TRPM8: variants seen among roughly 807,000 people sequenced by gnomAD.
TRPM8 encodes transient receptor potential cation channel subfamily M member 8, also known as TRPM8 cationic channel.
A neutral mutation model predicts 133.7 loss-of-function variants in TRPM8; 110 were observed. The observed-to-expected ratio is 0.82, with a 90% CI of 0.70 to 0.96. The LOEUF is 0.96. Ranked by LOEUF, TRPM8 falls within the 40% of genes least tolerant of loss-of-function variation. TRPM8 has a pLI of 0.00. For synonymous variants in TRPM8, 535 were observed against 532.3 expected, an observed-to-expected ratio of 1.01 and a Z score of -0.07; for missense variants, 1,291 against 1,379.5, an observed-to-expected ratio of 0.94 and a Z score of 1.02.
chr2:233,966,339 G>C (rs1691574396), intron 14 of TRPM8, among the ~76,000 whole-genome samples: 2 of 152,174 alleles, frequency 1.3e-5, no homozygotes, highest in African/African-American at 2.4e-5. Context: ...CCATCAAAGA[G>C]AGGGGCTCCC....
At position 234,019,432 on chromosome 2, in the gene TRPM8, T is replaced by C. The variant is rs201076168; in HGVS notation, c.*2176T>C. The C allele has an allele frequency of 6.6e-6, 1 of 152,258 alleles. No homozygotes were observed. Among genetic ancestry groups the C allele is most frequent in the Non-Finnish European group, 1.5e-5 (1 of 68,050 alleles). The allele number at this position is 152,258 out of a possible 1,614,324, so 9.4% of individuals were successfully genotyped here. ...GGTGCTATGTCCTTGTGTATGGTAC[T>C]AAATGTGTCCTGTGTACTTTTGCAC... On this transcript the variant is annotated 3_prime_UTR_variant, in exon 26 of 26. Transcript: ENST00000324695.
chr2:233,925,842 G>A (rs912258510), intron 1 of TRPM8, among the ~76,000 whole-genome samples: 9 of 152,088 alleles, frequency 5.9e-5, no homozygotes, highest in Non-Finnish European at 1.5e-5. Flanking sequence ...TTTGGGAGAC[G>A]AGGGGAGAGG....
chr2:233,939,306 C>T, intron 5 of TRPM8, 131 bp downstream of exon 5: 1 of 1,014,206 alleles, frequency 9.9e-7, no homozygotes, highest in Non-Finnish European at 1.4e-6. Flanking sequence ...TAATCGTTAT[C>T]TTATTGAAAG....
intron 9 of TRPM8, among the ~76,000 whole-genome samples, chr2:233,951,045 C>T (rs1691161949): frequency 6.6e-6 from 1 of 151,740 alleles, no homozygotes; most frequent in African/African-American, 2.4e-5. Flanking sequence ...TACAAACAAA[C>T]AAACAAACAA....
intron 21 of TRPM8, among the ~76,000 whole-genome samples, chr2:233,996,111 A>C (rs1445393781): frequency 6.7e-6 from 1 of 150,352 alleles, no homozygotes; most frequent in Admixed American, 6.6e-5. Flanking sequence ...AAAAAAAACC[A>C]CCAAAAGCCA....
chr2:234,006,369 C>T (rs1299981943), intron 22 of TRPM8, among the ~76,000 whole-genome samples: 21 of 152,218 alleles, frequency 1.4e-4, no homozygotes, highest in Admixed American at 1.4e-3. Context: ...AGGTCCACAG[C>T]TCATGTTTCA....
intron 11 of TRPM8, 124 bp from the exon 12 acceptor site, chr2:233,960,652 G>C (rs1691409276): frequency 2.7e-6 from 2 of 730,272 alleles, no homozygotes; most frequent in Non-Finnish European, 4.6e-6. Flanking sequence ...GATTGAAAGA[G>C]AAGTTGAAGA....
At chr2:233,945,212 TTGAA>T (rs1268579884) in intron 6 of TRPM8, among the ~76,000 whole-genome samples, 1 of 152,206 alleles carries the variant, frequency 6.6e-6, no homozygotes, top group East Asian at 1.9e-4. Flanking sequence ...CTAAATGCCT[TTGAA>T]TGGAGCTTGA....
chr2:233,924,269 G>A (rs897858666), intron 1 of TRPM8, among the ~76,000 whole-genome samples: 1 of 152,174 alleles, frequency 6.6e-6, no homozygotes, highest in African/African-American at 2.4e-5. Context: ...GGATCTGGCG[G>A]TGTGATTTTG....
intron 11 of TRPM8, among the ~76,000 whole-genome samples, chr2:233,955,905 T>C (rs921672298): frequency 6.6e-6 from 1 of 152,140 alleles, no homozygotes. Flanking sequence ...CGGTATTCGA[T>C]TCCTATAGGA....
intron 3 of TRPM8, among the ~76,000 whole-genome samples, chr2:233,931,371 C>T (rs1016506344): frequency 2.6e-5 from 4 of 152,128 alleles, no homozygotes; most frequent in African/African-American, 9.7e-5. Context: ...CCTTATTCCT[C>T]TCTGCCCCTT....
In TRPM8 at chr2:233,967,136, G is replaced by A. The variant is rs549702307; in HGVS notation, c.2025+381G>A. 2.0e-5 allele frequency among the ~76,000 whole-genome samples: 3 copies of A among 152,342 alleles called. No homozygotes were observed. The South Asian group carries it at 6.2e-4, about 32-fold the overall frequency. ...CCTCATCTACAAAATGGGGATAGCA[G>A]CAGATAAAGGGTTATTGTGAAGATT... On this transcript the variant is annotated intron_variant, in intron 15 of 25. Transcript: ENST00000324695.
At chr2:233,979,825 T>C (rs1476642323) in intron 17 of TRPM8, among the ~76,000 whole-genome samples, 1 of 152,230 alleles carries the variant, frequency 6.6e-6, no homozygotes, top group African/African-American at 2.4e-5. Context: ...TAATACCCTC[T>C]AGGACTGTGT....
intron 1 of TRPM8, among the ~76,000 whole-genome samples, chr2:233,917,908 G>T (rs949122178): frequency 1.3e-5 from 2 of 152,192 alleles, no homozygotes; most frequent in Non-Finnish European, 2.9e-5. Context: ...CTTTGATAAT[G>T]AAAGGAGCGG....
chr2:234,006,469 A>C (rs916727006), intron 22 of TRPM8, among the ~76,000 whole-genome samples: 1 of 152,220 alleles, frequency 6.6e-6, no homozygotes, highest in Non-Finnish European at 1.5e-5. Context: ...ACAATTCATC[A>C]GCAATTATCC....
rs1380914142 is a variant in TRPM8 at position 233,927,865 on chromosome 2, T to C, written c.117+1211T>C. 9.5e-4 allele frequency among the ~76,000 whole-genome samples: 41 copies of C among 43,156 alleles called. 1 individual carries two copies. Among genetic ancestry groups the C allele is most frequent in the East Asian group, 2.6e-3 (2 of 772 alleles). 28.3% of individuals were successfully genotyped at this position (43,156 alleles called of 152,430 possible). On this transcript the variant is annotated intron_variant, in intron 2 of 25. Transcript: ENST00000324695. Reference sequence around the variant, plus strand: ...CTTCCTTCCTTCCTTTCTTTCTCTTTCTTTCTTTCTTTCTTTCTTTCTTTC... The same window carrying C: ...CTTCCTTCCTTCCTTTCTTTCTCTTCCTTTCTTTCTTTCTTTCTTTCTTTC...
In TRPM8 at chr2:233,969,732, G is replaced by C; in HGVS notation, c.2063G>C (p.Arg688Pro). 6.2e-7 allele frequency: 1 copy of C among 1,613,790 alleles called. No individual in the cohort carries two copies. The highest frequency in any genetic ancestry group is 8.5e-7 in the Non-Finnish European group (1 of 1,179,742). Residue 688 changes from arginine (R) to proline (P), a missense_variant, in exon 16 of 26, where the codon CGA becomes CCA. Coordinates refer to ENST00000324695, the MANE Select transcript of TRPM8 (RefSeq NM_024080.5). ...AAGCAATGGTATGGAGAGATTTCCC[G>C]AGACACCAAGAACTGGAAGATTATC... ...LSKQWYGEIS[R>P]DTKNWKIILC...
chr2:233,985,400 C>T (rs1346341023), intron 20 of TRPM8, among the ~76,000 whole-genome samples: 2 of 152,220 alleles, frequency 1.3e-5, no homozygotes, highest in East Asian at 3.9e-4. Context: ...TGATTATCTG[C>T]CTATCCAAAG....
chr2:233,948,863 T>A (rs1353658250), intron 8 of TRPM8, among the ~76,000 whole-genome samples: 1 of 152,102 alleles, frequency 6.6e-6, no homozygotes, highest in African/African-American at 2.4e-5. Flanking sequence ...CAAAACCCTG[T>A]CTCTACTAAA....
Sources: allele counts gnomAD v4.1 joint callset (sites outside exome capture counted in the v4.1 genomes callset), GRCh38; gene constraint gnomAD v4.1.1; transcripts MANE v1.5; gene names NCBI Gene and HGNC (gene_info 2026-07-23, HGNC 2026-07-21).